Variants in TM4SF4 observed in about 807,000 individuals in gnomAD.
The protein encoded by TM4SF4 is transmembrane 4 L six family member 4.
Under a neutral mutation model 24.1 loss-of-function variants are expected in TM4SF4, and 24 were observed. The observed-to-expected ratio is 1.00, with a 90% CI of 0.72 to 1.40. The LOEUF is 1.40. TM4SF4 is among the 40% of genes most tolerant of loss of function. The probability of loss-of-function intolerance (pLI) is 0.00; values close to 1 mark genes in which losing one functional copy is unlikely to be tolerated. For synonymous variants in TM4SF4, 113 were observed against 97.0 expected, an observed-to-expected ratio of 1.17 and a Z score of -0.97; for missense variants, 254 against 254.2, an observed-to-expected ratio of 1.00 and a Z score of 0.01.
In TM4SF4 at chr3:149,495,063, C is replaced by T. The variant is rs570295092; in HGVS notation, c.402-3659C>T. 3 of 255,740 alleles carry T rather than the reference C, an allele frequency of 1.2e-5. No individual in the cohort carries two copies. In the South Asian group the frequency reaches 1.7e-4, roughly 15 times the overall value. The allele number at this position is 255,740 out of a possible 1,614,324, so 15.8% of individuals were successfully genotyped here. On this transcript the variant is annotated intron_variant, in intron 3 of 4. Transcript: ENST00000305354. Reference sequence around the variant, plus strand: ...CCCATGAACATGCCCTTCGTGCTTACACACTGGGGATGAAACAACCAATTG... The same window carrying T: ...CCCATGAACATGCCCTTCGTGCTTATACACTGGGGATGAAACAACCAATTG...
intron 2 of TM4SF4, among the ~76,000 whole-genome samples, chr3:149,484,576 G>T (rs1438348442): frequency 1.3e-5 from 2 of 149,594 alleles, no homozygotes. Flanking sequence ...TTTGGAGGCG[G>T]AGTCTCGTTC....
rs1292939632 is a variant in TM4SF4, at chr3:149,502,909, A to G, written c.*216A>G. The G allele has an allele frequency of 8.3e-6, 4 of 483,708 alleles. No homozygotes were observed. In the East Asian group the frequency reaches 1.3e-4, roughly 16 times the overall value. The allele number at this position is 483,708 out of a possible 1,614,324, so 30.0% of individuals were successfully genotyped here. ...TTTGGCCACTTAACAAATTTGATTT[A>G]TAAATCTTTCAAATTAGTTCCTTTT... On this transcript the variant is annotated 3_prime_UTR_variant, in exon 5 of 5. Transcript: ENST00000305354.
rs1222196664 is a variant in TM4SF4, at chr3:149,476,792, GT to G, written c.264+889del. Among the ~76,000 whole-genome samples the G allele has an allele frequency of 2.5e-4, 26 of 102,856 alleles. No individual in the cohort carries two copies. The East Asian group carries it at 4.9e-3, about 19-fold the overall frequency. The allele number at this position is 102,856 out of a possible 152,430, so 67.5% of individuals were successfully genotyped here. A position where few individuals can be genotyped will look rare whatever the true frequency, so the allele number is the denominator to read the frequency against. ...CATAAGTCTTTCTTTTTTCTTTTCT[GT>G]TTTTTTTTGTTTTTGTTTTTGTTTT... On this transcript the variant is annotated intron_variant, in intron 2 of 4. Transcript: ENST00000305354.
At chr3:149,489,465 A>C (rs75559381) in intron 3 of TM4SF4, among the ~76,000 whole-genome samples, 8,285 of 152,340 alleles carry the variant, frequency 0.054, 291 homozygotes, top group Admixed American at 0.077. Flanking sequence ...AAAGAAAACA[A>C]AACAGATGCC....
At chr3:149,491,785 A>G (rs1734214533) in intron 3 of TM4SF4, among the ~76,000 whole-genome samples, 1 of 152,104 alleles carries the variant, frequency 6.6e-6, no homozygotes, top group African/African-American at 2.4e-5. Flanking sequence ...ACATGGGCTG[A>G]TTTTGGAGGA....
chr3:149,476,551 T>C (rs1733931069), intron 2 of TM4SF4, among the ~76,000 whole-genome samples: 1 of 152,208 alleles, frequency 6.6e-6, no homozygotes, highest in Non-Finnish European at 1.5e-5. Flanking sequence ...GGACCCATTC[T>C]GCAATTGAGC....
chr3:149,501,380 C>T (rs140339360), intron 4 of TM4SF4, among the ~76,000 whole-genome samples: 278 of 152,308 alleles, frequency 1.8e-3, no homozygotes, highest in Middle Eastern at 0.01. Flanking sequence ...CCCACTCCTC[C>T]TCCAACTTTC....
chr3:149,501,633 T>A lies in TM4SF4; in HGVS notation c.592-1043T>A, dbSNP rs577544372. Among the ~76,000 whole-genome samples the A allele has an allele frequency of 4.3e-4, 66 of 152,376 alleles. 1 individual carries two copies. Among genetic ancestry groups the A allele is most frequent in the Non-Finnish European group, 8.5e-4 (58 of 68,040 alleles). ...TTGGGCAGCTGGCCTCTCATGGGGC[T>A]GGTCAGCATTCCTGCCCCAGTAGGA... On this transcript the variant is annotated intron_variant, in intron 4 of 4. Transcript: ENST00000305354.
chr3:149,487,843 G>C (rs1734146180), intron 3 of TM4SF4, 88 bp downstream of exon 3: 3 of 1,541,594 alleles, frequency 1.9e-6, no homozygotes, highest in East Asian at 4.6e-5. Context: ...ACAATGCCAT[G>C]TCTTCATCCT....
At chr3:149,500,058 A>G (rs1734390254) in intron 4 of TM4SF4, among the ~76,000 whole-genome samples, 1 of 152,172 alleles carries the variant, frequency 6.6e-6, no homozygotes, top group African/African-American at 2.4e-5. Flanking sequence ...AGGTAAGGTT[A>G]CCTAATTTCT....
chr3:149,475,757 G>A (rs1733916451), intron 1 of TM4SF4, 66 bp from the exon 2 acceptor site: 1 of 1,394,808 alleles, frequency 7.2e-7, no homozygotes, highest in African/African-American at 1.4e-5. Flanking sequence ...TCCTTATACA[G>A]TCAGGCAGGC....
At chr3:149,490,935 C>CTTTTTCTTCTTTTCCT (rs1734200093) in intron 3 of TM4SF4, among the ~76,000 whole-genome samples, 1 of 152,148 alleles carries the variant, frequency 6.6e-6, no homozygotes, top group African/African-American at 2.4e-5. Context: ...TCCCTCCCCT[C>CTTTTTCTTCTTTTCCT]TTTTTCTTCT....
intron 3 of TM4SF4, among the ~76,000 whole-genome samples, chr3:149,496,768 C>CA (rs377056215): frequency 6.6e-6 from 1 of 150,824 alleles, no homozygotes. Flanking sequence ...AACTCCGTCT[C>CA]AAAAAAATAA....
At chr3:149,491,712 C>G (rs1200365258) in intron 3 of TM4SF4, among the ~76,000 whole-genome samples, 1 of 152,116 alleles carries the variant, frequency 6.6e-6, no homozygotes, top group South Asian at 2.1e-4. Context: ...TGGAACAGAT[C>G]CTCATAATGC....
chr3:149,496,330 C>T (rs921960958), intron 3 of TM4SF4, among the ~76,000 whole-genome samples: 8 of 152,118 alleles, frequency 5.3e-5, no homozygotes, highest in African/African-American at 1.9e-4. Flanking sequence ...CCACCTCAGC[C>T]TCCCAAGTAG....
chr3:149,499,050 G>A, intron 4 of TM4SF4, 139 bp downstream of exon 4: 3 of 820,624 alleles, frequency 3.7e-6, no homozygotes, highest in Non-Finnish European at 5.7e-6. Context: ...ACCAGCCCAG[G>A]TTGGGAAGCC....
chr3:149,498,924 T>G lies in TM4SF4; in HGVS notation c.591+13T>G, dbSNP rs1734365172. ...TGGCTGCTGTGGGGTAAGTTCAGGC[T>G]TTTGCTGTTTCTTCTCAGCATGAGG... is the stretch of plus-strand genomic sequence containing the variant. On this transcript the variant is annotated intron_variant, in intron 4 of 4. Coordinates refer to ENST00000305354, the MANE Select transcript of TM4SF4 (RefSeq NM_004617.4). 6.2e-7 allele frequency: 1 copy of G among 1,613,324 alleles called. No homozygotes were observed. Among genetic ancestry groups the G allele is most frequent in the African/African-American group, 1.3e-5 (1 of 75,004 alleles).
intron 2 of TM4SF4, among the ~76,000 whole-genome samples, chr3:149,480,678 C>A (rs56413726): frequency 0.032 from 4,811 of 152,172 alleles, 85 homozygotes; most frequent in Middle Eastern, 0.065. Flanking sequence ...TAATCTACCT[C>A]CTCATTCCTT....
intron 2 of TM4SF4, among the ~76,000 whole-genome samples, chr3:149,483,766 C>T (rs115781226): frequency 0.032 from 4,816 of 152,088 alleles, 87 homozygotes; most frequent in Middle Eastern, 0.065. Context: ...TGTGAACTGA[C>T]ATTTCTCCCA....
Sources: gnomAD v4.1 joint callset for allele counts (sites outside exome capture counted in the v4.1 genomes callset) on GRCh38, gnomAD v4.1.1 for gene constraint, MANE v1.5 for transcripts, NCBI Gene and HGNC (gene_info 2026-07-23, HGNC 2026-07-21) for gene names.